KCNV2: variants seen among roughly 807,000 people sequenced by gnomAD.
KCNV2 encodes potassium voltage-gated channel subfamily V member 2.
In KCNV2, 65 loss-of-function variants were observed where a neutral mutation model predicts 37.0. That is an observed-to-expected ratio of 1.76 (90% CI 1.44 to 2.16). KCNV2 has a LOEUF of 2.16. Among genes scored for constraint, KCNV2 ranks in the 30% most tolerant of loss-of-function variants. The pLI is 0.00. For synonymous variants in KCNV2, 518 were observed against 328.6 expected, an observed-to-expected ratio of 1.58 and a Z score of -6.23; for missense variants, 1,232 against 766.7, an observed-to-expected ratio of 1.61 and a Z score of -7.17.
chr9:2,721,391 G>T (rs1563797312), intron 1 of KCNV2, among the ~76,000 whole-genome samples: 2 of 152,118 alleles, frequency 1.3e-5, no homozygotes, highest in Admixed American at 1.3e-4. Context: ...TATTAATCCA[G>T]TTCTTCTCTG....
chr9:2,718,766 A>G lies in KCNV2; in HGVS notation c.1027A>G (p.Ile343Val). ...SALNLVDLVA[I>V]LPLYLQLLLE... The stretch of plus-strand genomic sequence containing the variant: ...CCTCAACCTGGTGGACCTGGTGGCC[A>G]TCCTGCCGCTCTACCTTCAGCTGCT... Residue 343 changes from isoleucine (I) to valine (V), a missense_variant, in exon 1 of 2, where the codon ATC becomes GTC. Physicochemically the swap from Ile to Val is conservative, Grantham distance 29. Coordinates refer to ENST00000382082, the MANE Select transcript of KCNV2 (RefSeq NM_133497.4). 6.2e-7 allele frequency: 1 copy of G among 1,611,404 alleles called. No homozygotes were observed. Among genetic ancestry groups the G allele is most frequent in the Non-Finnish European group, 8.5e-7 (1 of 1,179,878 alleles).
Position 2,718,289 on chromosome 9 carries a change from G to A in KCNV2, c.550G>A (p.Glu184Lys). The change falls in exon 1 of 2, where the codon GAG becomes AAG. Residue 184 changes from glutamate to lysine, a missense_variant. Glu to Lys is a moderately conservative substitution (Grantham distance 56). Transcript: ENST00000382082. ...DGLCPRRFLE[E>K]LGYWGVRLKY... ...GCTGTGTCCGCGCCGCTTCCTGGAG[G>A]AGCTGGGCTACTGGGGCGTGCGGCT... is the stretch of plus-strand genomic sequence containing the variant. The A allele has an allele frequency of 1.9e-6, 3 of 1,611,292 alleles. No homozygotes were observed. The highest frequency in any genetic ancestry group is 1.1e-5 in the South Asian group (1 of 90,884).
chr9:2,729,482 C>A lies in KCNV2; in HGVS notation c.1393C>A (p.Pro465Thr), dbSNP rs772403756. 5 of 1,614,012 alleles carry A rather than the reference C, an allele frequency of 3.1e-6. No homozygotes were observed. The highest frequency in any genetic ancestry group is 8.5e-7 in the Non-Finnish European group (1 of 1,179,986). ...ISTVGYGDMY[P>T]ETHLGRFFAF... ...CACCGTGGGCTACGGAGACATGTAC[C>A]CAGAGACCCACCTGGGCAGGTTTTT... The change falls in exon 2 of 2, where the codon CCA (proline) becomes ACA (threonine). Residue 465 changes from proline to threonine, a missense_variant. Transcript: ENST00000382082.
At position 2,718,358 on chromosome 9, in the gene KCNV2, C is replaced by G. The variant is rs1242550633; in HGVS notation, c.619C>G (p.Arg207Gly). Residue 207 changes from arginine (R) to glycine (G), a missense_variant, in exon 1 of 2, where the codon CGC becomes GGC. By Grantham distance (125) the Arg-to-Gly change is moderately radical. Coordinates refer to ENST00000382082, the MANE Select transcript of KCNV2 (RefSeq NM_133497.4). ...RCCRICFEER[R>G]DELSERLKIQ... ...CTGCCGCATCTGCTTCGAGGAGCGG[C>G]GCGACGAGCTGAGCGAACGGCTCAA... 1.3e-5 allele frequency: 20 copies of G among 1,598,738 alleles called. No homozygotes were observed. The highest frequency in any genetic ancestry group is 1.6e-5 in the Non-Finnish European group (19 of 1,174,520).
rs541207530 is a variant in KCNV2, at chr9:2,730,013, G to A, written c.*286G>A. On this transcript the variant is annotated 3_prime_UTR_variant, in exon 2 of 2. Transcript: ENST00000382082. ...TTCTTGTAGCTTCTCGTGGCATCTA[G>A]CTCAATAAATATTTTTGGACTTGAG... The A allele has an allele frequency of 2.7e-6, 1 of 364,336 alleles. No homozygotes were observed. The highest frequency in any genetic ancestry group is 4.7e-5 in the South Asian group (1 of 21,330). The allele number at this position is 364,336 out of a possible 1,614,324, so 22.6% of individuals were successfully genotyped here. A position where few individuals can be genotyped will look rare whatever the true frequency, so the allele number is the denominator to read the frequency against.
chr9:2,717,517 TCAACAG>T lies in KCNV2; in HGVS notation c.-221_-216del. On this transcript the variant is annotated 5_prime_UTR_variant, in exon 1 of 2. Coordinates refer to ENST00000382082, the MANE Select transcript of KCNV2 (RefSeq NM_133497.4). ...TTCCAAATCAGCAAGATTAGAGCAG[TCAACAG>T]CTGACTGCGTTCAGACCCTGCAGGC... The T allele has an allele frequency of 3.4e-6, 2 of 592,150 alleles. No individual in the cohort carries two copies. The highest frequency in any genetic ancestry group is 6.0e-6 in the Non-Finnish European group (2 of 332,054). The allele number at this position is 592,150 out of a possible 1,614,324, so 36.7% of individuals were successfully genotyped here.
At position 2,718,908 on chromosome 9, in the gene KCNV2, T is replaced by C; in HGVS notation, c.1169T>C (p.Leu390Pro). Reference protein sequence around the residue: ...RLMRIFRILKLARHSTGLRAF... With the variant: ...RLMRIFRILKPARHSTGLRAF... ...ATGCGCATCTTCCGCATCCTCAAGC[T>C]GGCGCGCCACTCCACCGGACTGCGT... Residue 390 changes from leucine to proline, a missense_variant, in exon 1 of 2, where the codon CTG becomes CCG. Transcript: ENST00000382082. 1 of 1,609,092 alleles carries C rather than the reference T, an allele frequency of 6.2e-7. No individual in the cohort carries two copies. The highest frequency in any genetic ancestry group is 8.5e-7 in the Non-Finnish European group (1 of 1,180,008).
chr9:2,717,910 A>C lies in KCNV2; in HGVS notation c.171A>C (p.Glu57Asp). Reference protein sequence around the residue: ...TEGNYNYYIEEDEDGEEEDQW... With the variant: ...TEGNYNYYIEDDEDGEEEDQW... Reference sequence around the variant, plus strand: ...GCAACTATAACTACTACATCGAGGAAGACGAAGACGGCGAGGAGGAGGACC... The same window carrying C: ...GCAACTATAACTACTACATCGAGGACGACGAAGACGGCGAGGAGGAGGACC... Residue 57 changes from glutamate (E) to aspartate (D), a missense_variant, in exon 1 of 2, where the codon GAA becomes GAC. Coordinates refer to ENST00000382082, the MANE Select transcript of KCNV2 (RefSeq NM_133497.4). 1 of 1,614,206 alleles carries C rather than the reference A, an allele frequency of 6.2e-7. No homozygotes were observed. The highest frequency in any genetic ancestry group is 8.5e-7 in the Non-Finnish European group (1 of 1,180,036).
intron 1 of KCNV2, among the ~76,000 whole-genome samples, chr9:2,727,888 T>G (rs1049676777): frequency 1.3e-5 from 2 of 152,142 alleles, no homozygotes; most frequent in Non-Finnish European, 2.9e-5. Context: ...GACCCACAAG[T>G]CTACTGTAGT....
chr9:2,728,125 CATTTCATTCTA>C (rs1302667708), intron 1 of KCNV2, among the ~76,000 whole-genome samples: 1 of 152,148 alleles, frequency 6.6e-6, no homozygotes, highest in Non-Finnish European at 1.5e-5. Flanking sequence ...CTCACTTCTC[CATTTCATTCTA>C]ATCAGTCAAC....
chr9:2,722,035 A>T (rs1819878859), intron 1 of KCNV2, among the ~76,000 whole-genome samples: 1 of 148,050 alleles, frequency 6.8e-6, no homozygotes, highest in Non-Finnish European at 1.5e-5. Flanking sequence ...ATAAATTAGA[A>T]GTTATTTATT....
Position 2,717,630 on chromosome 9 carries a change from C to A in KCNV2, c.-110C>A, listed in dbSNP as rs957097955. 1 of 1,433,876 alleles carries A rather than the reference C, an allele frequency of 7.0e-7. No homozygotes were observed. The highest frequency in any genetic ancestry group is 2.3e-5 in the East Asian group (1 of 43,508). 88.8% of individuals were successfully genotyped at this position (1,433,876 alleles called of 1,614,324 possible). ...CCTAGCTGTGCTGGTCCGGGCTGGC[C>A]TCTCTAAGACAGTGCAGGCCACGTG... is the stretch of plus-strand genomic sequence containing the variant. On this transcript the variant is annotated 5_prime_UTR_variant, in exon 1 of 2. Transcript: ENST00000382082.
chr9:2,718,236 T>C lies in KCNV2; in HGVS notation c.497T>C (p.Leu166Pro), dbSNP rs1414339315. ...TTCCAGCTGGTCTACAATTTCTACC[T>C]GTCCGGGGTGCTGCTGGTGCTCGAC... ...AVFQLVYNFY[L>P]SGVLLVLDGL... The change falls in exon 1 of 2, where the codon CTG (leucine) becomes CCG (proline). Residue 166 changes from leucine to proline, a missense_variant. Coordinates refer to ENST00000382082, the MANE Select transcript of KCNV2 (RefSeq NM_133497.4). 1.2e-6 allele frequency: 2 copies of C among 1,613,302 alleles called. No individual in the cohort carries two copies. The highest frequency in any genetic ancestry group is 2.7e-5 in the African/African-American group (2 of 74,944).
intron 1 of KCNV2, among the ~76,000 whole-genome samples, chr9:2,722,172 G>GTTATTTATAAATAAAATAGAAGTTAT (rs1819884507): frequency 1.6e-5 from 2 of 122,042 alleles, no homozygotes; most frequent in African/African-American, 4.3e-5. Flanking sequence ...TAAATTAGAA[G>GTTATTTATAAATAAAATAGAAGTTAT]TTATTTATAA....
At chr9:2,720,236 A>T (rs143203784) in intron 1 of KCNV2, among the ~76,000 whole-genome samples, 2 of 152,340 alleles carry the variant, frequency 1.3e-5, no homozygotes, top group East Asian at 3.9e-4. Context: ...AGCATAATAG[A>T]AGATTTAGAA....
rs536402029 is a variant in KCNV2 at position 2,725,589 on chromosome 9, AAGT to A, written c.1357-3855_1357-3853del. On this transcript the variant is annotated intron_variant, in intron 1 of 1. Coordinates refer to ENST00000382082, the MANE Select transcript of KCNV2 (RefSeq NM_133497.4). The stretch of plus-strand genomic sequence containing the variant: ...TACTTGTTGCAATAATAGCATGAGT[AAGT>A]ACAGCCTTTGAAGCTGGATCCTTTG... Among the ~76,000 whole-genome samples the A allele has an allele frequency of 1.4e-3, 217 of 152,372 alleles. 1 individual carries two copies. Among genetic ancestry groups the A allele is most frequent in the Admixed American group, 5.4e-3 (83 of 15,300 alleles).
rs757778905 is a variant in KCNV2, at chr9:2,729,698, C to A, written c.1609C>A (p.Pro537Thr). Residue 537 changes from proline to threonine, a missense_variant, in exon 2 of 2, where the codon CCA becomes ACA. Coordinates refer to ENST00000382082, the MANE Select transcript of KCNV2 (RefSeq NM_133497.4). ...KIAECLLGSNPQLTPRQEN is the reference protein window; with the variant it reads ...KIAECLLGSNTQLTPRQEN Reference sequence around the variant, plus strand: ...AGCTGAGTGTTTGCTTGGAAGCAACCCACAGCTCACCCCAAGACAAGAGAA... The same window carrying A: ...AGCTGAGTGTTTGCTTGGAAGCAACACACAGCTCACCCCAAGACAAGAGAA... 4 of 1,614,020 alleles carry A rather than the reference C, an allele frequency of 2.5e-6. No homozygotes were observed. The highest frequency in any genetic ancestry group is 3.4e-6 in the Non-Finnish European group (4 of 1,179,976).
Position 2,718,478 on chromosome 9 carries a change from T to C in KCNV2, c.739T>C (p.Trp247Arg). The change falls in exon 1 of 2, where the codon TGG becomes CGG. Residue 247 changes from tryptophan (W) to arginine (R), a missense_variant. Transcript: ENST00000382082. ...RFYGPQRRRL[W>R]NLMEKPFSSV... is the part of the protein sequence containing the mutation. ...CTACGGCCCGCAGCGGCGCCGCCTC[T>C]GGAACCTCATGGAGAAGCCATTCTC... 2 of 1,610,416 alleles carry C rather than the reference T, an allele frequency of 1.2e-6. No individual in the cohort carries two copies. The highest frequency in any genetic ancestry group is 1.7e-6 in the Non-Finnish European group (2 of 1,179,008).
chr9:2,722,419 T>C (rs1027762436), intron 1 of KCNV2, among the ~76,000 whole-genome samples: 36 of 137,662 alleles, frequency 2.6e-4, no homozygotes, highest in Non-Finnish European at 9.2e-5. Context: ...AAGTTATTTA[T>C]AAATAGAAGT....
Sources: gnomAD v4.1 joint callset for allele counts (sites outside exome capture counted in the v4.1 genomes callset) on GRCh38, gnomAD v4.1.1 for gene constraint, MANE v1.5 for transcripts, NCBI Gene and HGNC (gene_info 2026-07-23, HGNC 2026-07-21) for gene names.